Variants in JHY observed in about 807,000 individuals in gnomAD.
The protein encoded by JHY is jhy protein homolog.
JHY carries 69 observed loss-of-function variants against 78.0 expected under a neutral mutation model. The ratio of observed to expected loss-of-function variants is 0.88; its 90% CI spans 0.73 to 1.08. The LOEUF is 1.08. Ranked by LOEUF, JHY falls within the 50% of genes least tolerant of loss-of-function variation. JHY has a pLI of 0.00. For missense variants in JHY, 944 were observed against 927.8 expected, an observed-to-expected ratio of 1.02 and a Z score of -0.23; for synonymous variants, 368 against 342.6, an observed-to-expected ratio of 1.07 and a Z score of -0.82.
In JHY at chr11:122,940,948, T is replaced by C. The variant is rs552305718; in HGVS notation, c.1635-5550T>C. On this transcript the variant is annotated intron_variant, in intron 5 of 8. Coordinates refer to ENST00000227349, the MANE Select transcript of JHY (RefSeq NM_024806.4). ...AAAGTCTATTACCATCATTATACTG[T>C]ATATGTTCTCACTGTCTTGGATTTG... is the stretch of plus-strand genomic sequence containing the variant. Among the ~76,000 whole-genome samples the C allele has an allele frequency of 3.9e-5, 6 of 152,236 alleles. No individual in the cohort carries two copies. The South Asian group carries it at 1.2e-3, about 32-fold the overall frequency.
chr11:122,934,727 C>T lies in JHY; in HGVS notation c.1286C>T (p.Ala429Val). ...ASNNDVQASR[A>V]LRSHNLKETS... Reference sequence around the variant, plus strand: ...AACAATGATGTACAAGCCTCAAGGGCACTTAGAAGCCACAATCTCAAAGAA... The same window carrying T: ...AACAATGATGTACAAGCCTCAAGGGTACTTAGAAGCCACAATCTCAAAGAA... Residue 429 changes from alanine to valine, a missense_variant, in exon 5 of 9, where the codon GCA becomes GTA. Transcript: ENST00000227349. 2 of 1,614,168 alleles carry T rather than the reference C, an allele frequency of 1.2e-6. No individual in the cohort carries two copies. The highest frequency in any genetic ancestry group is 1.1e-5 in the South Asian group (1 of 91,090).
At chr11:122,907,833 C>CAA (rs71057309) in intron 3 of JHY, among the ~76,000 whole-genome samples, 19 of 83,924 alleles carry the variant, frequency 2.3e-4, no homozygotes, top group Admixed American at 6.9e-4. Context: ...AACTCTATCT[C>CAA]AAAAAAAAAA....
chr11:122,957,597 C>A, intron 8 of JHY, 106 bp downstream of exon 8: 18 of 1,142,826 alleles, frequency 1.6e-5, no homozygotes, highest in Non-Finnish European at 2.0e-5. Context: ...GTCTTGCCGT[C>A]TTGCCCAGGA....
intron 5 of JHY, among the ~76,000 whole-genome samples, chr11:122,944,871 T>G (rs1211637070): frequency 6.6e-6 from 1 of 152,110 alleles, no homozygotes; most frequent in Non-Finnish European, 1.5e-5. Flanking sequence ...TAATTAACAT[T>G]TATTTTGTTT....
intron 4 of JHY, among the ~76,000 whole-genome samples, chr11:122,927,887 C>T (rs61910321): frequency 0.23 from 35,217 of 151,664 alleles, 4,606 homozygotes; most frequent in Non-Finnish European, 0.3. Context: ...CCCACCACCA[C>T]GCCCAGCTAA....
At chr11:122,956,629 G>C in intron 7 of JHY, 53 bp downstream of exon 7, 1 of 1,501,108 alleles carries the variant, frequency 6.7e-7, no homozygotes. Context: ...CCATCTGTCT[G>C]TTAGGAAACT....
chr11:122,915,633 C>T (rs1383620237), intron 3 of JHY, among the ~76,000 whole-genome samples: 2 of 152,176 alleles, frequency 1.3e-5, no homozygotes, highest in African/African-American at 2.4e-5. Context: ...CTGCGTCAGC[C>T]TCCCAAGTAG....
chr11:122,890,057 GTT>G (rs34251446), intron 2 of JHY, among the ~76,000 whole-genome samples: 62,529 of 148,440 alleles, frequency 0.42, 15,657 homozygotes, highest in Middle Eastern at 0.59. Context: ...CCAGTTTCTT[GTT>G]TTTTTTTTTC....
intron 3 of JHY, 75 bp from the exon 4 acceptor site, chr11:122,924,822 G>A: frequency 8.6e-7 from 1 of 1,163,624 alleles, no homozygotes; most frequent in Non-Finnish European, 1.3e-6. Context: ...TTTCTAGAGT[G>A]CACAGACTTG....
At chr11:122,889,350 C>T (rs778204235) in intron 2 of JHY, among the ~76,000 whole-genome samples, 29 of 152,016 alleles carry the variant, frequency 1.9e-4, no homozygotes, top group Non-Finnish European at 4.0e-4. Flanking sequence ...ATCTGTGGAT[C>T]CAACCAAACA....
rs145024099 is a variant in JHY at position 122,917,075 on chromosome 11, A to C, written c.865-7822A>C. On this transcript the variant is annotated intron_variant, in intron 3 of 8. Coordinates refer to ENST00000227349, the MANE Select transcript of JHY (RefSeq NM_024806.4). This position sits in a 1 kb window ranked among gnomAD's most constrained non-coding sequence, Gnocchi z 4.1. ...ATATAACAACTCTCTATTCATGCTCAGATTTCTTCAGATTATCTAATCTTT... is the reference window on the plus strand; with the variant it reads ...ATATAACAACTCTCTATTCATGCTCCGATTTCTTCAGATTATCTAATCTTT... 1.2e-3 allele frequency among the ~76,000 whole-genome samples: 190 copies of C among 152,250 alleles called. No homozygotes were observed. The highest frequency in any genetic ancestry group is 4.4e-3 in the African/African-American group (183 of 41,546).
Position 122,959,383 on chromosome 11 carries a change from C to A in JHY, c.2275C>A (p.Gln759Lys), listed in dbSNP as rs759430987. Reference sequence around the variant, plus strand: ...TGAAATCTCACTGCTGGAAATACTGCAGAACAGACACGAAAGGGAAAAACA... The same window carrying A: ...TGAAATCTCACTGCTGGAAATACTGAAGAACAGACACGAAAGGGAAAAACA... ...LPEISLLEIL[Q>K]NRHEREKQAV... The change falls in exon 9 of 9, where the codon CAG becomes AAG. Residue 759 changes from glutamine to lysine, a missense_variant. Transcript: ENST00000227349. 1.1e-5 allele frequency: 18 copies of A among 1,614,010 alleles called. No homozygotes were observed. Among genetic ancestry groups the A allele is most frequent in the Non-Finnish European group, 1.5e-5 (18 of 1,180,018 alleles).
At chr11:122,941,665 A>G (rs1863876682) in intron 5 of JHY, among the ~76,000 whole-genome samples, 1 of 152,072 alleles carries the variant, frequency 6.6e-6, no homozygotes, top group Admixed American at 6.6e-5. Context: ...AGTTAAATTC[A>G]TTTGTTTTGC....
intron 4 of JHY, among the ~76,000 whole-genome samples, chr11:122,930,105 G>A (rs961229027): frequency 6.6e-6 from 1 of 152,198 alleles, no homozygotes; most frequent in Non-Finnish European, 1.5e-5. Flanking sequence ...TTTTGAGAAA[G>A]GGTCTTGCTC....
chr11:122,957,477 A>G lies in JHY; in HGVS notation c.2125A>G (p.Ile709Val). The change falls in exon 8 of 9, where the codon ATC (isoleucine) becomes GTC (valine). Residue 709 changes from isoleucine to valine, a missense_variant. Ile to Val is a conservative substitution (Grantham distance 29). Transcript: ENST00000227349. ...QTEKTQKKSA[I>V]PRQKALEYAK... Reference sequence around the variant, plus strand: ...AGAAAAAACTCAAAAGAAATCTGCTATCCCTCGGCAGAAGGTAAGAAATTC... The same window carrying G: ...AGAAAAAACTCAAAAGAAATCTGCTGTCCCTCGGCAGAAGGTAAGAAATTC... 2 of 1,534,942 alleles carry G rather than the reference A, an allele frequency of 1.3e-6. No homozygotes were observed. The highest frequency in any genetic ancestry group is 1.7e-6 in the Non-Finnish European group (2 of 1,152,734).
intron 2 of JHY, among the ~76,000 whole-genome samples, chr11:122,900,789 C>T (rs772830942): frequency 6.6e-6 from 1 of 152,034 alleles, no homozygotes; most frequent in African/African-American, 2.4e-5. Flanking sequence ...TTTGAAGCCT[C>T]GGGGATCTTT....
At chr11:122,921,760 G>A (rs1051731965) in intron 3 of JHY, among the ~76,000 whole-genome samples, 6 of 152,088 alleles carry the variant, frequency 3.9e-5, no homozygotes, top group African/African-American at 1.2e-4. Context: ...GAGGCAGGCC[G>A]ATCACTTGAG....
intron 2 of JHY, among the ~76,000 whole-genome samples, chr11:122,900,495 T>C (rs1862828105): frequency 6.8e-6 from 1 of 147,926 alleles, no homozygotes; most frequent in African/African-American, 2.5e-5. Flanking sequence ...GGCCATTAAA[T>C]ATGCCATACT....
Position 122,935,061 on chromosome 11 carries a change from C to G in JHY, c.1620C>G (p.Asn540Lys). Residue 540 changes from asparagine to lysine, a missense_variant, in exon 5 of 9, where the codon AAC becomes AAG. Transcript: ENST00000227349. This position sits in a 1 kb window ranked among gnomAD's most constrained non-coding sequence, Gnocchi z 4.5. ...KQPYTETKYRNLEMLWKFHSS... is the reference protein window; with the variant it reads ...KQPYTETKYRKLEMLWKFHSS... ...CTTATACAGAGACAAAATACAGGAA[C>G]TTAGAAATGTTATGGTAAGAATTCC... 6.4e-7 allele frequency: 1 copy of G among 1,569,498 alleles called. No homozygotes were observed. Among genetic ancestry groups the G allele is most frequent in the Non-Finnish European group, 8.6e-7 (1 of 1,161,132 alleles).
Sources: allele counts gnomAD v4.1 joint callset (sites outside exome capture counted in the v4.1 genomes callset), GRCh38; gene constraint gnomAD v4.1.1; non-coding constraint Gnocchi (gnomAD v3.1); transcripts MANE v1.5; gene names NCBI Gene and HGNC (gene_info 2026-07-23, HGNC 2026-07-21).